SYT1: variants seen among roughly 807,000 people sequenced by gnomAD.
SYT1 encodes the protein synaptotagmin 1, also known as synaptotagmin-1.
SYT1 carries 8 observed loss-of-function variants against 44.8 expected under a neutral mutation model. That is an observed-to-expected ratio of 0.18 (90% CI 0.10 to 0.32). The LOEUF is 0.32. Ranked by LOEUF, SYT1 falls within the 10% of genes least tolerant of loss-of-function variation. The pLI, the probability that SYT1 is intolerant of heterozygous loss-of-function variation, is 1.00. For missense variants in SYT1, 286 were observed against 509.3 expected (o/e 0.56, Z 4.22); for synonymous variants, 154 against 188.8 (o/e 0.82, Z 1.51).
At chr12:79,225,714 A>G (rs1009454952) in intron 4 of SYT1, among the ~76,000 whole-genome samples, 5 of 152,200 alleles carry the variant, frequency 3.3e-5, no homozygotes, top group African/African-American at 1.2e-4. Flanking sequence ...AAGAATAAAC[A>G]ACATGAGACA....
intron 1 of SYT1, among the ~76,000 whole-genome samples, chr12:78,894,872 G>C (rs1253422662): frequency 6.6e-6 from 1 of 151,570 alleles, no homozygotes; most frequent in Non-Finnish European, 1.5e-5. Context: ...GTTAATAGCA[G>C]TATATTGTAT....
At chr12:79,112,333 C>T (rs891023499) in intron 3 of SYT1, among the ~76,000 whole-genome samples, 2 of 151,922 alleles carry the variant, frequency 1.3e-5, no homozygotes, top group African/African-American at 4.8e-5. Context: ...GATGTGGAGA[C>T]GTGTGGGGCA....
intron 4 of SYT1, among the ~76,000 whole-genome samples, chr12:79,249,120 C>T (rs1358117848): frequency 1.7e-4 from 2 of 11,656 alleles, no homozygotes; most frequent in Non-Finnish European, 3.3e-4. Context: ...TTTTTTGAGA[C>T]GGAGTCTCGC....
At chr12:79,252,645 A>C (rs777943583) in intron 4 of SYT1, among the ~76,000 whole-genome samples, 10 of 152,232 alleles carry the variant, frequency 6.6e-5, no homozygotes, top group African/African-American at 2.2e-4. Flanking sequence ...TGCTCCATCA[A>C]CCCAGGTCTC....
intron 8 of SYT1, among the ~76,000 whole-genome samples, chr12:79,308,563 G>A (rs116934090): frequency 0.018 from 2,386 of 132,712 alleles, 31 homozygotes; most frequent in Non-Finnish European, 0.028. Flanking sequence ...AAGAAAGAAA[G>A]GAAAAGAAAG....
In SYT1 at chr12:79,448,793, A is replaced by G. The variant is rs1870872876; in HGVS notation, c.1063-125A>G. 6.1e-6 allele frequency: 5 copies of G among 814,264 alleles called. No individual in the cohort carries two copies. In the African/African-American group the frequency reaches 6.8e-5, roughly 11 times the overall value. The allele number at this position is 814,264 out of a possible 1,614,324, so 50.4% of individuals were successfully genotyped here. Reference sequence around the variant, plus strand: ...GAGTATTAAGATTCAAGTCATTTTCATCCTCATCCTAGTGCTTGGAGATTG... The same window carrying G: ...GAGTATTAAGATTCAAGTCATTTTCGTCCTCATCCTAGTGCTTGGAGATTG... On this transcript the variant is annotated intron_variant, in intron 10 of 10. Coordinates refer to ENST00000261205, the MANE Select transcript of SYT1 (RefSeq NM_005639.3).
At chr12:78,908,700 A>G (rs1876135608) in intron 1 of SYT1, among the ~76,000 whole-genome samples, 1 of 151,994 alleles carries the variant, frequency 6.6e-6, no homozygotes, top group South Asian at 2.1e-4. Flanking sequence ...TTCTATAAAT[A>G]AAATAGACTT....
chr12:79,109,092 C>T lies in SYT1; in HGVS notation c.-18+61730C>T, dbSNP rs575239668. Among the ~76,000 whole-genome samples the T allele has an allele frequency of 5.9e-5, 9 of 152,220 alleles. No individual in the cohort carries two copies. In the East Asian group the frequency reaches 1.5e-3, roughly 26 times the overall value. Reference sequence around the variant, plus strand: ...GCCAGGGGCCCTGCTAGGGTGCTTCCAGCCTGGCAGATTGAATCCCAGGTT... The same window carrying T: ...GCCAGGGGCCCTGCTAGGGTGCTTCTAGCCTGGCAGATTGAATCCCAGGTT... On this transcript the variant is annotated intron_variant, in intron 3 of 10. Transcript: ENST00000261205.
At chr12:79,323,514 A>G (rs1035494082) in intron 8 of SYT1, among the ~76,000 whole-genome samples, 3 of 152,238 alleles carry the variant, frequency 2.0e-5, no homozygotes, top group Non-Finnish European at 4.4e-5. Flanking sequence ...AATGAAGTTT[A>G]CTTAACACCG....
chr12:79,046,739 A>G (rs908460484), intron 2 of SYT1, among the ~76,000 whole-genome samples: 1 of 152,024 alleles, frequency 6.6e-6, no homozygotes, highest in Non-Finnish European at 1.5e-5. Context: ...ATTTAAATAC[A>G]TGTATGTTTA....
chr12:79,293,359 A>T, intron 6 of SYT1, among the ~76,000 whole-genome samples: 1 of 127,826 alleles, frequency 7.8e-6, no homozygotes, highest in South Asian at 2.7e-4. Flanking sequence ...ATAAAATAAA[A>T]TAAAATAAAA....
intron 8 of SYT1, among the ~76,000 whole-genome samples, chr12:79,305,267 T>C (rs1221559711): frequency 6.6e-6 from 1 of 152,202 alleles, no homozygotes; most frequent in African/African-American, 2.4e-5. Context: ...AATTAGACTC[T>C]AATTTGAAGC....
At chr12:79,220,897 T>C (rs1875119901) in intron 4 of SYT1, among the ~76,000 whole-genome samples, 2 of 152,172 alleles carry the variant, frequency 1.3e-5, no homozygotes, top group African/African-American at 2.4e-5. Flanking sequence ...GAAGAATGTG[T>C]ATTCTGTAGC....
rs1335622716 is a variant in SYT1, at chr12:79,375,002, C to T, written c.928+21383C>T. 3.9e-5 allele frequency among the ~76,000 whole-genome samples: 6 copies of T among 152,170 alleles called. No homozygotes were observed. The South Asian group carries it at 1.2e-3, about 32-fold the overall frequency. On this transcript the variant is annotated intron_variant, in intron 9 of 10. Transcript: ENST00000261205. ...ATTGCAACACAAAAGCAGCCACAGACAGTCTGTAAGGAGTAGACATAGCTG... is the reference window on the plus strand; with the variant it reads ...ATTGCAACACAAAAGCAGCCACAGATAGTCTGTAAGGAGTAGACATAGCTG...
chr12:78,979,481 A>G (rs780621195), intron 2 of SYT1, among the ~76,000 whole-genome samples: 2 of 152,140 alleles, frequency 1.3e-5, no homozygotes, highest in Admixed American at 6.6e-5. Context: ...GGTGATTATA[A>G]TGTAATCCAA....
intron 9 of SYT1, among the ~76,000 whole-genome samples, chr12:79,432,279 T>G (rs547100831): frequency 1.3e-5 from 2 of 151,958 alleles, no homozygotes; most frequent in East Asian, 1.9e-4. Flanking sequence ...TTGTTACATA[T>G]GTATACATGT....
chr12:79,150,773 A>G (rs1416295171), intron 3 of SYT1, among the ~76,000 whole-genome samples: 2 of 152,142 alleles, frequency 1.3e-5, no homozygotes, highest in Non-Finnish European at 2.9e-5. Flanking sequence ...TTAAGATATT[A>G]TATTGTATTT....
intron 8 of SYT1, among the ~76,000 whole-genome samples, chr12:79,321,553 G>T (rs893494985): frequency 1.3e-5 from 2 of 152,174 alleles, no homozygotes; most frequent in African/African-American, 4.8e-5. Context: ...GAAGGAAATG[G>T]TTTATCCCAG....
chr12:79,300,868 C>T (rs779955690), intron 8 of SYT1, among the ~76,000 whole-genome samples: 1 of 137,486 alleles, frequency 7.3e-6, no homozygotes, highest in Non-Finnish European at 1.5e-5. Flanking sequence ...CTTTCTTAGA[C>T]ATTGACACAG....
Sources: allele counts gnomAD v4.1 joint callset (sites outside exome capture counted in the v4.1 genomes callset), GRCh38; gene constraint gnomAD v4.1.1; transcripts MANE v1.5; gene names NCBI Gene and HGNC (gene_info 2026-07-23, HGNC 2026-07-21).